FOXN3: variants seen among roughly 807,000 people sequenced by gnomAD.
FOXN3 encodes the protein forkhead box protein N3.
In FOXN3, 7 loss-of-function variants were observed where a neutral mutation model predicts 38.4. That is an observed-to-expected ratio of 0.18 (90% CI 0.10 to 0.34). The LOEUF is 0.34. FOXN3 is among the 10% of genes least tolerant of loss of function. FOXN3 has a pLI of 1.00. For missense variants in FOXN3, 456 were observed against 613.4 expected (o/e 0.74, Z 2.71); for synonymous variants, 230 against 242.2 (o/e 0.95, Z 0.47).
intron 3 of FOXN3, among the ~76,000 whole-genome samples, chr14:89,319,045 T>C (rs1887823980): frequency 6.6e-6 from 1 of 152,224 alleles, no homozygotes; most frequent in Non-Finnish European, 1.5e-5. Context: ...AGGACACTTC[T>C]GAGACAAAAT....
chr14:89,467,801 T>TTTC lies in FOXN3; in HGVS notation c.-14-55312_-14-55311insGAA, dbSNP rs1158697197. On this transcript the variant is annotated intron_variant, in intron 1 of 6. Transcript: ENST00000345097. ...CTTCTTCTTCCTTTTCTTTTCTTTC[T>TTTC]TTGTTTTTTTTTTTTTTTTTTTTTT... Among the ~76,000 whole-genome samples the TTTC allele has an allele frequency of 2.9e-3, 265 of 91,368 alleles. 5 individuals are homozygous for TTTC. Among genetic ancestry groups the TTTC allele is most frequent in the African/African-American group, 9.5e-3 (257 of 27,162 alleles). The allele number at this position is 91,368 out of a possible 152,430, so 59.9% of individuals were successfully genotyped here.
chr14:89,458,462 G>A (rs960971835), intron 1 of FOXN3, among the ~76,000 whole-genome samples: 3 of 152,122 alleles, frequency 2.0e-5, no homozygotes, highest in South Asian at 2.1e-4. Flanking sequence ...CTCAGCATGC[G>A]GGTAATCCAT....
chr14:89,179,057 C>T (rs567355176), intron 5 of FOXN3, among the ~76,000 whole-genome samples: 2 of 152,134 alleles, frequency 1.3e-5, no homozygotes, highest in Non-Finnish European at 2.9e-5. Flanking sequence ...GAGGTAAGAG[C>T]ATTGGAATTT....
At chr14:89,262,213 T>A (rs570616633) in intron 4 of FOXN3, among the ~76,000 whole-genome samples, 2 of 152,218 alleles carry the variant, frequency 1.3e-5, no homozygotes, top group African/African-American at 4.8e-5. Flanking sequence ...TACCACCAGT[T>A]TGCCTGTGAC....
At chr14:89,199,579 C>CG (rs927610878) in intron 4 of FOXN3, among the ~76,000 whole-genome samples, 1 of 151,802 alleles carries the variant, frequency 6.6e-6, no homozygotes, top group Admixed American at 6.6e-5. Context: ...GTGGGGGACT[C>CG]GGGGGGAAAG....
At chr14:89,596,574 A>C (rs1896060450) in intron 1 of FOXN3, among the ~76,000 whole-genome samples, 1 of 152,150 alleles carries the variant, frequency 6.6e-6, no homozygotes, top group Non-Finnish European at 1.5e-5. Context: ...TTCTTTTTCA[A>C]TTCTCTAGTG....
intron 1 of FOXN3, among the ~76,000 whole-genome samples, chr14:89,522,737 C>T (rs1483755378): frequency 1.3e-5 from 2 of 150,008 alleles, no homozygotes; most frequent in Admixed American, 6.7e-5. Context: ...AGATATATAG[C>T]TATTAAAGTA....
chr14:89,355,240 T>C (rs1889164023), intron 2 of FOXN3: 1 of 151,616 alleles, frequency 6.6e-6, no homozygotes, highest in East Asian at 1.9e-4. Context: ...TTTTTCTTTT[T>C]GTGGAAATGG....
chr14:89,287,453 T>C (rs1886663981), intron 3 of FOXN3, among the ~76,000 whole-genome samples: 1 of 151,938 alleles, frequency 6.6e-6, no homozygotes, highest in Admixed American at 6.6e-5. Flanking sequence ...CCAGCCCCAG[T>C]GGTAGTCTTG....
chr14:89,337,218 T>C (rs1420733288), intron 3 of FOXN3, among the ~76,000 whole-genome samples: 4 of 152,124 alleles, frequency 2.6e-5, no homozygotes, highest in Non-Finnish European at 5.9e-5. Flanking sequence ...TTTTAGCAGG[T>C]AGAGAAGGAT....
At chr14:89,330,397 C>G (rs186530906) in intron 3 of FOXN3, among the ~76,000 whole-genome samples, 255 of 152,298 alleles carry the variant, frequency 1.7e-3, no homozygotes, top group African/African-American at 5.4e-3. Context: ...CCCAGCTGCC[C>G]CTGACCTCAT....
chr14:89,376,388 A>C (rs1466077412), intron 2 of FOXN3, among the ~76,000 whole-genome samples: 1 of 152,220 alleles, frequency 6.6e-6, no homozygotes, highest in Non-Finnish European at 1.5e-5. Flanking sequence ...TTTATTTGCC[A>C]CCATTAGAGG....
rs45535535 is a variant in FOXN3, at chr14:89,162,657, C to A, written c.1164G>T (p.Gly388=). 0.01 allele frequency: 16,272 copies of A among 1,613,962 alleles called. 130 individuals carry two copies. Among genetic ancestry groups the A allele is most frequent in the Non-Finnish European group, 0.012 (14,034 of 1,179,974 alleles). ...HSQKEPKDSL[G]DSGYASQHKK... ...TGTGCTGGGATGCGTACCCGCTGTC[C>A]CCCAGAGAATCCTTGGGCTCCTTCT... Residue 388 remains glycine, a synonymous_variant, in exon 6 of 6, where the codon GGG becomes GGT. Coordinates refer to ENST00000557258, the MANE Select transcript of FOXN3 (RefSeq NM_005197.4). The surrounding 1 kb of genome is among the most constrained non-coding windows in gnomAD (Gnocchi z 7.2).
At chr14:89,347,092 AG>A (rs1888782218) in intron 3 of FOXN3, among the ~76,000 whole-genome samples, 3 of 152,084 alleles carry the variant, frequency 2.0e-5, no homozygotes, top group South Asian at 4.2e-4. Flanking sequence ...CCTTAAGAAA[AG>A]GGTTGCTATG....
intron 3 of FOXN3, among the ~76,000 whole-genome samples, chr14:89,335,120 C>CAA (rs1888409389): frequency 7.5e-6 from 1 of 133,442 alleles, no homozygotes; most frequent in South Asian, 2.3e-4. Flanking sequence ...CACACACACA[C>CAA]ACAAATGGTA....
intron 2 of FOXN3, among the ~76,000 whole-genome samples, chr14:89,408,846 G>GC: frequency 6.6e-6 from 1 of 152,216 alleles, no homozygotes; most frequent in South Asian, 2.1e-4. Flanking sequence ...TGTGTTGAAG[G>GC]CAACTTCAGT....
intron 3 of FOXN3, among the ~76,000 whole-genome samples, chr14:89,288,247 A>G (rs1886697414): frequency 6.6e-6 from 1 of 152,242 alleles, no homozygotes; most frequent in Admixed American, 6.5e-5. Context: ...CACCAACACT[A>G]TAACTGAGTG....
intron 4 of FOXN3, among the ~76,000 whole-genome samples, chr14:89,235,397 C>T (rs913939506): frequency 6.6e-6 from 1 of 152,078 alleles, no homozygotes; most frequent in Non-Finnish European, 1.5e-5. Flanking sequence ...TCTGCCAACC[C>T]CAATCAGCAC....
intron 2 of FOXN3, among the ~76,000 whole-genome samples, chr14:89,385,882 A>C (rs1596243863): frequency 6.6e-6 from 1 of 152,250 alleles, no homozygotes; most frequent in East Asian, 1.9e-4. Context: ...AAAAAGCAAA[A>C]GAGGAGAACA....
Sources: gnomAD v4.1 joint callset for allele counts (sites outside exome capture counted in the v4.1 genomes callset) on GRCh38, gnomAD v4.1.1 for gene constraint, Gnocchi (gnomAD v3.1) non-coding constraint, MANE v1.5 for transcripts, NCBI Gene and HGNC (gene_info 2026-07-23, HGNC 2026-07-21) for gene names.